The following JMJD1C variants were observed in gnomAD, a reference collection of about 807,000 sequenced individuals.
The protein encoded by JMJD1C is jumonji domain-containing protein 1C.
JMJD1C carries 31 observed loss-of-function variants against 245.3 expected under a neutral mutation model. The observed-to-expected ratio is 0.13, with a 90% CI of 0.09 to 0.17. The LOEUF (loss-of-function observed/expected upper bound fraction) is 0.17. JMJD1C is among the 10% of genes least tolerant of loss of function. The pLI is 1.00. For synonymous variants in JMJD1C, 1,057 were observed against 1,017.4 expected, an observed-to-expected ratio of 1.04 and a Z score of -0.74; for missense variants, 2,691 against 3,000.2, an observed-to-expected ratio of 0.90 and a Z score of 2.41.
intron 1 of JMJD1C, among the ~76,000 whole-genome samples, chr10:63,459,697 A>G (rs988743462): frequency 3.3e-5 from 5 of 152,244 alleles, no homozygotes; most frequent in Admixed American, 1.3e-4. Context: ...TAACAAATTT[A>G]AAAGTTTCAA....
chr10:63,431,532 A>G (rs1301312705), intron 1 of JMJD1C, among the ~76,000 whole-genome samples: 2 of 152,204 alleles, frequency 1.3e-5, no homozygotes, highest in Non-Finnish European at 2.9e-5. Context: ...GCTAGGTGCA[A>G]TAATGGACTA....
chr10:63,362,783 G>A (rs1761157770), intron 2 of JMJD1C, among the ~76,000 whole-genome samples: 1 of 151,958 alleles, frequency 6.6e-6, no homozygotes, highest in South Asian at 2.1e-4. Context: ...GCCTGGCCTA[G>A]TATATTGTAT....
intron 1 of JMJD1C, among the ~76,000 whole-genome samples, chr10:63,433,586 C>CTTTTCT (rs1190766915): frequency 8.3e-4 from 72 of 86,834 alleles, no homozygotes; most frequent in African/African-American, 2.2e-3. Flanking sequence ...CTTTTCTTTT[C>CTTTTCT]TTTTTTTTTT....
At chr10:63,301,560 C>G (rs1311815556) in intron 2 of JMJD1C, among the ~76,000 whole-genome samples, 1 of 152,082 alleles carries the variant, frequency 6.6e-6, no homozygotes, top group African/African-American at 2.4e-5. Context: ...AACACAGGAA[C>G]AGAAAACCAA....
chr10:63,407,500 A>C (rs1949238639), intron 1 of JMJD1C, among the ~76,000 whole-genome samples: 1 of 152,220 alleles, frequency 6.6e-6, no homozygotes, highest in Non-Finnish European at 1.5e-5. Flanking sequence ...CCCTATGGAA[A>C]TGAGCAGATC....
intron 2 of JMJD1C, among the ~76,000 whole-genome samples, chr10:63,300,843 G>A (rs879566627): frequency 2.0e-5 from 3 of 148,290 alleles, no homozygotes; most frequent in Non-Finnish European, 4.4e-5. Flanking sequence ...AGTGAGCCAA[G>A]AACACACCAC....
intron 2 of JMJD1C, among the ~76,000 whole-genome samples, chr10:63,348,678 T>C (rs1179564146): frequency 6.6e-6 from 1 of 152,180 alleles, no homozygotes; most frequent in Non-Finnish European, 1.5e-5. Flanking sequence ...ATATTGAAAT[T>C]TGATCCCCAT....
chr10:63,169,448 T>G (rs1018775656), intron 24 of JMJD1C, among the ~76,000 whole-genome samples: 1 of 152,140 alleles, frequency 6.6e-6, no homozygotes, highest in Non-Finnish European at 1.5e-5. Context: ...ATTGAAAAAC[T>G]AAGCATTTAA....
At chr10:63,490,755 G>C (rs899053529) in intron 1 of JMJD1C, among the ~76,000 whole-genome samples, 6 of 152,150 alleles carry the variant, frequency 3.9e-5, no homozygotes, top group Non-Finnish European at 7.4e-5. Context: ...TTGTTCACAA[G>C]AGTGAATGAA....
chr10:63,489,911 G>C (rs1452131145), intron 1 of JMJD1C, among the ~76,000 whole-genome samples: 1 of 152,226 alleles, frequency 6.6e-6, no homozygotes, highest in Non-Finnish European at 1.5e-5. Context: ...CAGGAGGTGA[G>C]CTGCCTGTGA....
intron 2 of JMJD1C, among the ~76,000 whole-genome samples, chr10:63,306,114 G>A (rs1351378270): frequency 2.0e-5 from 3 of 151,918 alleles, no homozygotes; most frequent in African/African-American, 7.3e-5. Context: ...TTTTCAGAGT[G>A]AGTCTTGCTC....
intron 2 of JMJD1C, among the ~76,000 whole-genome samples, chr10:63,281,246 C>A (rs1307274980): frequency 1.3e-5 from 2 of 150,854 alleles, no homozygotes; most frequent in South Asian, 2.1e-4. Context: ...GCAATTCTCC[C>A]GCCTCAGCCT....
At chr10:63,361,817 A>G (rs1178029036) in intron 2 of JMJD1C, among the ~76,000 whole-genome samples, 2 of 152,006 alleles carry the variant, frequency 1.3e-5, no homozygotes, top group Admixed American at 6.6e-5. Context: ...AAAATTATAG[A>G]GCAGAAAAAA....
At chr10:63,280,425 C>T (rs1004632096) in intron 2 of JMJD1C, among the ~76,000 whole-genome samples, 1 of 151,968 alleles carries the variant, frequency 6.6e-6, no homozygotes, top group African/African-American at 2.4e-5. Context: ...TGGAACGCAC[C>T]TGTAGTCCCA....
chr10:63,309,994 G>A (rs1334714661), intron 2 of JMJD1C, among the ~76,000 whole-genome samples: 6 of 152,034 alleles, frequency 3.9e-5, no homozygotes, highest in Non-Finnish European at 7.4e-5. Context: ...AAAAGATCAC[G>A]TCACAATAAT....
At chr10:63,308,571 A>G (rs1938623827) in intron 2 of JMJD1C, among the ~76,000 whole-genome samples, 1 of 151,758 alleles carries the variant, frequency 6.6e-6, no homozygotes, top group South Asian at 2.1e-4. Flanking sequence ...CCAGAAAAAG[A>G]GTTATTTCGT....
At chr10:63,517,773 T>C (rs923520925) in intron 1 of JMJD1C, among the ~76,000 whole-genome samples, 1 of 150,754 alleles carries the variant, frequency 6.6e-6, no homozygotes, top group Admixed American at 6.6e-5. Flanking sequence ...GTGAAGTACT[T>C]ATCTAATGGC....
chr10:63,292,143 G>GGTTTTTTTTTT (rs1396774570), intron 2 of JMJD1C, among the ~76,000 whole-genome samples: 1 of 13,516 alleles, frequency 7.4e-5, no homozygotes, highest in Admixed American at 3.6e-4. Flanking sequence ...TGTAGAGACA[G>GGTTTTTTTTTT]ATTTTTTTTT....
Position 63,184,719 on chromosome 10 carries a change from T to A in JMJD1C, c.6850A>T (p.Ser2284Cys), listed in dbSNP as rs1260844225. The A allele has an allele frequency of 1.2e-6, 2 of 1,609,014 alleles. No homozygotes were observed. The highest frequency in any genetic ancestry group is 1.1e-5 in the South Asian group (1 of 89,596). The change falls in exon 21 of 26, where the codon AGT becomes TGT. Residue 2284 changes from serine to cysteine, a missense_variant. Ser to Cys is a moderately radical substitution (Grantham distance 112, BLOSUM62 -1). This residue lies in a region of JMJD1C where 232 missense variants were observed against 416.1 expected (regional missense o/e 0.56). Transcript: ENST00000399262. Reference sequence around the variant, plus strand: ...TTACAATATTCTGGCAATGGCAGACTTTTTAAAAGATCTTCGTATCTGAAG... The same window carrying A: ...TTACAATATTCTGGCAATGGCAGACATTTTAAAAGATCTTCGTATCTGAAG... ...MPARYEDLLKSLPLPEYCNPE... is the reference protein window; with the variant it reads ...MPARYEDLLKCLPLPEYCNPE...
Sources: allele counts gnomAD v4.1 joint callset (sites outside exome capture counted in the v4.1 genomes callset), GRCh38; gene constraint gnomAD v4.1.1; regional missense constraint gnomAD v4.1.1; transcripts MANE v1.5; gene names NCBI Gene and HGNC (gene_info 2026-07-23, HGNC 2026-07-21).